ROBO2: variants seen among roughly 807,000 people sequenced by gnomAD.
ROBO2 encodes the protein roundabout guidance receptor 2.
ROBO2 carries 53 observed loss-of-function variants against 160.8 expected under a neutral mutation model. The observed-to-expected ratio is 0.33, with a 90% CI of 0.26 to 0.41. The LOEUF (loss-of-function observed/expected upper bound fraction) is 0.41, where lower values mean the gene tolerates loss of function less well. ROBO2 is among the 10% of genes least tolerant of loss of function. ROBO2 has a pLI of 1.00. For synonymous variants in ROBO2, 664 were observed against 611.7 expected (o/e 1.09, Z -1.26); for missense variants, 1,577 against 1,722.4 (o/e 0.92, Z 1.49).
intron 18 of ROBO2, among the ~76,000 whole-genome samples, chr3:77,595,697 T>G (rs951390791): frequency 2.6e-5 from 4 of 152,298 alleles, no homozygotes; most frequent in African/African-American, 9.6e-5. Context: ...ATATGGAGAT[T>G]GTAATTAGGC....
chr3:77,165,098 TG>T (rs551427836), intron 2 of ROBO2, among the ~76,000 whole-genome samples: 186 of 151,780 alleles, frequency 1.2e-3, no homozygotes, highest in African/African-American at 3.9e-3. Context: ...AGGATGACAA[TG>T]GCGGTTTTGT....
At chr3:76,556,573 TTTAA>T (rs1345716436) in intron 2 of ROBO2, among the ~76,000 whole-genome samples, 2 of 152,188 alleles carry the variant, frequency 1.3e-5, no homozygotes, top group South Asian at 2.1e-4. Context: ...TGATGTGAAG[TTTAA>T]TTATGTAAGT....
chr3:76,180,040 A>G (rs1048164656), intron 2 of ROBO2, among the ~76,000 whole-genome samples: 2 of 152,076 alleles, frequency 1.3e-5, no homozygotes, highest in African/African-American at 4.8e-5. Context: ...GGAATTTTAT[A>G]TCCCTCTTTT....
intron 2 of ROBO2, among the ~76,000 whole-genome samples, chr3:76,383,312 A>C (rs1421037035): frequency 1.3e-5 from 2 of 152,130 alleles, no homozygotes; most frequent in African/African-American, 4.8e-5. Flanking sequence ...ATGAATAGAG[A>C]ATATATTCAG....
At chr3:77,015,707 A>G (rs1487860666) in intron 2 of ROBO2, among the ~76,000 whole-genome samples, 7 of 152,208 alleles carry the variant, frequency 4.6e-5, no homozygotes, top group Non-Finnish European at 1.0e-4. Context: ...ATGACTGAAA[A>G]GAAGGGCTAT....
intron 2 of ROBO2, among the ~76,000 whole-genome samples, chr3:76,035,688 C>A (rs1283239681): frequency 6.6e-6 from 1 of 152,050 alleles, no homozygotes; most frequent in Non-Finnish European, 1.5e-5. Context: ...AGCCATATTG[C>A]ACCGAGTATG....
chr3:76,680,607 A>G (rs2092534770), intron 2 of ROBO2, among the ~76,000 whole-genome samples: 1 of 152,056 alleles, frequency 6.6e-6, no homozygotes, highest in South Asian at 2.1e-4. Flanking sequence ...ATATTCCCAC[A>G]TAAAATAGTC....
intron 2 of ROBO2, among the ~76,000 whole-genome samples, chr3:76,227,501 T>C (rs1478804634): frequency 1.3e-5 from 2 of 152,230 alleles, no homozygotes; most frequent in African/African-American, 2.4e-5. Flanking sequence ...TTTTTAGGTA[T>C]ATATTTGTTT....
chr3:76,238,164 T>C lies in ROBO2; in HGVS notation c.109+300562T>C, dbSNP rs1372817014. 3.3e-5 allele frequency among the ~76,000 whole-genome samples: 5 copies of C among 152,158 alleles called. No homozygotes were observed. In the East Asian group the frequency reaches 9.6e-4, roughly 29 times the overall value. ...AAAGCCAAAGAAAAGTTGAAAACAA[T>C]GGAATCTGACTGTGTTAGTCTGTTT... is the stretch of plus-strand genomic sequence containing the variant. On this transcript the variant is annotated intron_variant, in intron 2 of 26. Transcript: ENST00000487694.
intron 2 of ROBO2, among the ~76,000 whole-genome samples, chr3:76,473,788 A>T (rs2078791537): frequency 6.6e-6 from 1 of 152,182 alleles, no homozygotes; most frequent in African/African-American, 2.4e-5. Flanking sequence ...CATTGAAGAA[A>T]TGTTAAATTT....
chr3:77,628,848 T>C (rs1428243765), intron 23 of ROBO2, among the ~76,000 whole-genome samples: 2 of 152,218 alleles, frequency 1.3e-5, no homozygotes, highest in Admixed American at 6.5e-5. Context: ...TGAGATTTCC[T>C]GTTGCCCAAT....
At position 76,914,004 on chromosome 3, in the gene ROBO2, T is replaced by G. The variant is rs370298503; in HGVS notation, c.110-184010T>G. Among the ~76,000 whole-genome samples the G allele has an allele frequency of 5.3e-5, 8 of 152,312 alleles. No individual in the cohort carries two copies. In the East Asian group the frequency reaches 1.4e-3, roughly 26 times the overall value. ...TAAGTAACTGTGAATGATACTCCTT[T>G]AGATGAGTTACTGTGAATAATACTC... On this transcript the variant is annotated intron_variant, in intron 2 of 26. Coordinates refer to the ROBO2 transcript ENST00000487694.
intron 2 of ROBO2, among the ~76,000 whole-genome samples, chr3:76,711,330 C>T (rs958146842): frequency 6.6e-6 from 1 of 152,088 alleles, no homozygotes; most frequent in Admixed American, 6.6e-5. Flanking sequence ...AGGAGAAGAG[C>T]AAGAGGGAAA....
chr3:76,072,457 G>C (rs2068492849), intron 2 of ROBO2, among the ~76,000 whole-genome samples: 1 of 151,948 alleles, frequency 6.6e-6, no homozygotes, highest in Non-Finnish European at 1.5e-5. Context: ...AATAAAACTT[G>C]AGAGATGCAT....
chr3:76,311,274 ATTAAC>A (rs776938133), intron 2 of ROBO2: 27 of 152,338 alleles, frequency 1.8e-4, no homozygotes, highest in Admixed American at 9.2e-4. Context: ...ATTTTGTGAA[ATTAAC>A]TTGTGGAAAT....
At chr3:76,616,703 T>G (rs181801420) in intron 2 of ROBO2, among the ~76,000 whole-genome samples, 46 of 152,222 alleles carry the variant, frequency 3.0e-4, no homozygotes, top group Admixed American at 5.2e-4. Flanking sequence ...GTAAGACATA[T>G]TGCCAACCAA....
intron 2 of ROBO2, among the ~76,000 whole-genome samples, chr3:77,001,841 T>C (rs3925076): frequency 0.36 from 54,064 of 151,968 alleles, 10,446 homozygotes; most frequent in East Asian, 0.65. Flanking sequence ...ATGTTGCCCA[T>C]GTGTGTGACC....
At chr3:77,441,878 C>T (rs1331462329) in intron 2 of ROBO2, among the ~76,000 whole-genome samples, 1 of 152,090 alleles carries the variant, frequency 6.6e-6, no homozygotes, top group South Asian at 2.1e-4. Flanking sequence ...TTTGCTGATG[C>T]TTATCAACGT....
chr3:76,460,778 T>C (rs548182353), intron 2 of ROBO2, among the ~76,000 whole-genome samples: 1 of 152,274 alleles, frequency 6.6e-6, no homozygotes, highest in Admixed American at 6.5e-5. Context: ...CTGCGCAATA[T>C]GTGAGAGAGA....
Sources: allele counts gnomAD v4.1 joint callset (sites outside exome capture counted in the v4.1 genomes callset), GRCh38; gene constraint gnomAD v4.1.1; transcripts MANE v1.5; gene names NCBI Gene and HGNC (gene_info 2026-07-23, HGNC 2026-07-21).